CMSS1: variants seen among roughly 807,000 people sequenced by gnomAD.
The protein encoded by CMSS1 is protein CMSS1.
A neutral mutation model predicts 43.5 loss-of-function variants in CMSS1; 33 were observed. The ratio of observed to expected loss-of-function variants is 0.76; its 90% CI spans 0.57 to 1.01. CMSS1 has a LOEUF of 1.01. Ranked by LOEUF, CMSS1 falls within the 50% of genes least tolerant of loss-of-function variation. The probability of loss-of-function intolerance (pLI) is 0.00; values close to 1 mark genes in which losing one functional copy is unlikely to be tolerated. For missense variants in CMSS1, 313 were observed against 326.4 expected (o/e 0.96, Z 0.32); for synonymous variants, 115 against 117.2 (o/e 0.98, Z 0.12).
chr3:99,935,823 G>A (rs1418409169), intron 1 of CMSS1, among the ~76,000 whole-genome samples: 1 of 152,190 alleles, frequency 6.6e-6, no homozygotes, highest in Non-Finnish European at 1.5e-5. Flanking sequence ...TTGGGCTTAA[G>A]TTAGTTGAAA....
At chr3:99,870,078 T>C (rs555433366) in intron 1 of CMSS1, among the ~76,000 whole-genome samples, 1 of 152,364 alleles carries the variant, frequency 6.6e-6, no homozygotes, top group African/African-American at 2.4e-5. Flanking sequence ...TATTTTTATA[T>C]TGTCTCTTCT....
At chr3:99,829,438 CTGTT>C (rs1183231025) in intron 1 of CMSS1, among the ~76,000 whole-genome samples, 1 of 152,152 alleles carries the variant, frequency 6.6e-6, no homozygotes, top group Non-Finnish European at 1.5e-5. Context: ...TTATAGATGA[CTGTT>C]TGAATTCAAC....
At chr3:100,002,667 A>C (rs1221596983) in intron 1 of CMSS1, among the ~76,000 whole-genome samples, 1 of 152,212 alleles carries the variant, frequency 6.6e-6, no homozygotes, top group Non-Finnish European at 1.5e-5. Flanking sequence ...ATGAAATTAC[A>C]TAGCTAAAAA....
At chr3:100,071,349 A>G (rs761851882) in intron 1 of CMSS1, among the ~76,000 whole-genome samples, 34 of 152,186 alleles carry the variant, frequency 2.2e-4, no homozygotes, top group East Asian at 3.8e-4. Context: ...CTCCTGTTCT[A>G]TGGGGAAGAA....
intron 1 of CMSS1, among the ~76,000 whole-genome samples, chr3:100,032,247 A>G (rs1052141251): frequency 1.3e-5 from 2 of 152,206 alleles, no homozygotes; most frequent in African/African-American, 4.8e-5. Flanking sequence ...GAGCAGATGG[A>G]TGCGTTGGCC....
chr3:99,904,305 G>T (rs1418112137), intron 1 of CMSS1, among the ~76,000 whole-genome samples: 2 of 152,170 alleles, frequency 1.3e-5, no homozygotes, highest in Non-Finnish European at 2.9e-5. Context: ...TCTTGGAAGA[G>T]ATCTTTCAGT....
At chr3:99,827,353 A>G (rs1383040284) in intron 1 of CMSS1, among the ~76,000 whole-genome samples, 1 of 151,596 alleles carries the variant, frequency 6.6e-6, no homozygotes, top group Non-Finnish European at 1.5e-5. Context: ...CACCAAGCCC[A>G]GCTAATTTTT....
chr3:99,943,718 T>G (rs1707921418), intron 1 of CMSS1, among the ~76,000 whole-genome samples: 1 of 152,056 alleles, frequency 6.6e-6, no homozygotes, highest in East Asian at 1.9e-4. Context: ...AAAAAAAAAT[T>G]ACATCTTTGG....
chr3:100,004,661 A>G (rs1709937897), intron 1 of CMSS1, among the ~76,000 whole-genome samples: 3 of 152,212 alleles, frequency 2.0e-5, no homozygotes. Context: ...GGACGGCTTC[A>G]TGAAGAGAGA....
intron 1 of CMSS1, among the ~76,000 whole-genome samples, chr3:100,039,595 G>A (rs183066736): frequency 2.2e-4 from 33 of 152,144 alleles, no homozygotes; most frequent in African/African-American, 7.5e-4. Flanking sequence ...AAATTTTTAG[G>A]AATCCAGAAG....
chr3:100,148,960 C>T (rs780290557), intron 2 of CMSS1, among the ~76,000 whole-genome samples: 5 of 152,010 alleles, frequency 3.3e-5, no homozygotes, highest in Admixed American at 3.3e-4. Flanking sequence ...AATTTATTTC[C>T]TCAAGGTGGG....
At chr3:100,018,747 A>G (rs1390311599) in intron 1 of CMSS1, among the ~76,000 whole-genome samples, 2 of 152,150 alleles carry the variant, frequency 1.3e-5, no homozygotes, top group Non-Finnish European at 2.9e-5. Context: ...AAAAAAAAAA[A>G]AAAAATCAAC....
intron 1 of CMSS1, among the ~76,000 whole-genome samples, chr3:99,947,128 ACT>A (rs1457443345): frequency 1.1e-5 from 1 of 92,832 alleles, no homozygotes; most frequent in African/African-American, 5.2e-5. Flanking sequence ...ACAGAGCAAG[ACT>A]CTGTCTCAAA....
At chr3:100,102,725 C>T (rs1178651819) in intron 1 of CMSS1, among the ~76,000 whole-genome samples, 1 of 152,180 alleles carries the variant, frequency 6.6e-6, no homozygotes. Flanking sequence ...ACTGTGCTTC[C>T]TCTGGGTTTG....
At chr3:99,980,516 T>G (rs925521808) in intron 1 of CMSS1, among the ~76,000 whole-genome samples, 6 of 152,214 alleles carry the variant, frequency 3.9e-5, no homozygotes, top group African/African-American at 1.4e-4. Context: ...ATAAAAATGA[T>G]ACACACTTTT....
intron 1 of CMSS1, among the ~76,000 whole-genome samples, chr3:99,869,526 C>G (rs1406406815): frequency 1.3e-5 from 2 of 152,142 alleles, no homozygotes; most frequent in African/African-American, 4.8e-5. Flanking sequence ...CTTCTTCTGC[C>G]ATTCCCAATT....
At chr3:100,155,954 A>T (rs2066968510) in intron 2 of CMSS1, among the ~76,000 whole-genome samples, 1 of 152,132 alleles carries the variant, frequency 6.6e-6, no homozygotes, top group South Asian at 2.1e-4. Flanking sequence ...GATTTTCTGA[A>T]ATTTCACAGT....
At chr3:100,072,733 T>A (rs766755281) in intron 1 of CMSS1, among the ~76,000 whole-genome samples, 2 of 152,212 alleles carry the variant, frequency 1.3e-5, no homozygotes, top group African/African-American at 4.8e-5. Flanking sequence ...TGAGGACTTA[T>A]CACCTGACCT....
intron 1 of CMSS1, among the ~76,000 whole-genome samples, chr3:99,861,001 T>C (rs1345575133): frequency 6.6e-6 from 1 of 152,146 alleles, no homozygotes; most frequent in East Asian, 1.9e-4. Flanking sequence ...TTTTAAAAAG[T>C]TAATTACTGT....
Sources: gnomAD v4.1 joint callset for allele counts (sites outside exome capture counted in the v4.1 genomes callset) on GRCh38, gnomAD v4.1.1 for gene constraint, MANE v1.5 for transcripts, NCBI Gene and HGNC (gene_info 2026-07-23, HGNC 2026-07-21) for gene names.